LRCH3: variants seen among roughly 807,000 people sequenced by gnomAD.
LRCH3 encodes leucine rich repeats and calponin homology domain containing 3.
In LRCH3, 68 loss-of-function variants were observed where a neutral mutation model predicts 104.5. The observed-to-expected ratio is 0.65, with a 90% CI of 0.54 to 0.80. The LOEUF (loss-of-function observed/expected upper bound fraction) is 0.80, where lower values mean the gene tolerates loss of function less well. Among genes scored for constraint, LRCH3 ranks in the 30% least tolerant of loss-of-function variants. LRCH3 has a pLI of 0.00. For missense variants in LRCH3, 951 were observed against 953.9 expected (o/e 1.00, Z 0.04); for synonymous variants, 344 against 361.3 (o/e 0.95, Z 0.54).
chr3:197,843,519 C>T (rs1282948625), intron 10 of LRCH3, among the ~76,000 whole-genome samples: 1 of 152,104 alleles, frequency 6.6e-6, no homozygotes, highest in Non-Finnish European at 1.5e-5. Context: ...CCTGTCTCTA[C>T]TAAAAATACA....
intron 13 of LRCH3, among the ~76,000 whole-genome samples, chr3:197,853,268 C>T (rs1739867048): frequency 6.6e-6 from 1 of 152,044 alleles, no homozygotes; most frequent in Non-Finnish European, 1.5e-5. Context: ...TGGCTCGCTG[C>T]AACCTCCGAC....
At chr3:197,869,118 G>A (rs1711718225) in intron 17 of LRCH3, among the ~76,000 whole-genome samples, 1 of 152,176 alleles carries the variant, frequency 6.6e-6, no homozygotes, top group Non-Finnish European at 1.5e-5. Flanking sequence ...AGTCAATCCA[G>A]AAAGTGGAAA....
At chr3:197,875,960 A>G (rs888166420) in intron 20 of LRCH3, 185 bp downstream of exon 20, 56 of 435,436 alleles carry the variant, frequency 1.3e-4, no homozygotes, top group African/African-American at 9.1e-4. Flanking sequence ...CAAGGACCAC[A>G]CAAAGAAATT....
At chr3:197,847,327 TA>T in intron 10 of LRCH3, 81 bp from the exon 11 acceptor site, 3 of 1,302,982 alleles carry the variant, frequency 2.3e-6, no homozygotes, top group Middle Eastern at 2.5e-4. Context: ...ACATTTACAA[TA>T]AAAATTTCAT....
intron 3 of LRCH3, 89 bp from the exon 4 acceptor site, chr3:197,820,236 C>G: frequency 1.1e-6 from 1 of 900,330 alleles, no homozygotes; most frequent in Admixed American, 2.1e-5. Context: ...ACCAGAAGGT[C>G]TCCCAAACAT....
At chr3:197,865,056 G>A (rs1207737644) in intron 15 of LRCH3, among the ~76,000 whole-genome samples, 1 of 152,124 alleles carries the variant, frequency 6.6e-6, no homozygotes, top group Non-Finnish European at 1.5e-5. Flanking sequence ...AGGCTGGAGT[G>A]CAGTGGCACA....
intron 10 of LRCH3, among the ~76,000 whole-genome samples, chr3:197,845,912 A>G (rs1358713710): frequency 6.6e-6 from 1 of 152,186 alleles, no homozygotes; most frequent in Non-Finnish European, 1.5e-5. Context: ...TCAAAACAAA[A>G]CAAAACAAAA....
chr3:197,816,469 G>C (rs1007885886), intron 2 of LRCH3, among the ~76,000 whole-genome samples: 1 of 152,068 alleles, frequency 6.6e-6, no homozygotes, highest in East Asian at 1.9e-4. Flanking sequence ...TAGTAGAGAC[G>C]GGGTTTCGCC....
chr3:197,829,829 A>G (rs1735690762), intron 6 of LRCH3, among the ~76,000 whole-genome samples, 156 bp downstream of exon 6: 1 of 152,228 alleles, frequency 6.6e-6, no homozygotes, highest in African/African-American at 2.4e-5. Context: ...GATTACCTAG[A>G]TCTGGCAAAG....
intron 1 of LRCH3, among the ~76,000 whole-genome samples, chr3:197,801,642 T>C (rs1580543643): frequency 6.6e-6 from 1 of 152,288 alleles, no homozygotes; most frequent in Middle Eastern, 3.4e-3. Context: ...CCTGTGCACA[T>C]TTTTTTATTG....
rs1730499100 is a variant in LRCH3 at position 197,791,532 on chromosome 3, C to T, written c.254C>T (p.Thr85Ile). The T allele has an allele frequency of 1.3e-5, 20 of 1,584,250 alleles. No homozygotes were observed. Among genetic ancestry groups the T allele is most frequent in the Non-Finnish European group, 1.7e-5 (20 of 1,168,874 alleles). ...GAANHDLTDT[T>I]RADLSRNRLS... ...GCCAACCACGACCTGACGGACACCA[C>T]CCGGGCGGGTGAGCGGGGCGGGGGG... Residue 85 changes from threonine (T) to isoleucine (I), a missense_variant, in exon 1 of 21, where the codon ACC (threonine) becomes ATC (isoleucine). Physicochemically the swap from Thr to Ile is moderately conservative, Grantham distance 89. Coordinates refer to ENST00000425562, the MANE Select transcript of LRCH3 (RefSeq NM_001365715.1).
In LRCH3 at chr3:197,830,870, G is replaced by GT. The variant is rs1735837069; in HGVS notation, c.981+13dup. On this transcript the variant is annotated splice_region_variant and intron_variant, in intron 7 of 20. Coordinates refer to ENST00000425562, the MANE Select transcript of LRCH3 (RefSeq NM_001365715.1). The stretch of plus-strand genomic sequence containing the variant: ...GAGATGGTCAGGGAATGAAGTAAGT[G>GT]TTTTTTATGTTCCGTGTGTTATAAC... The GT allele has an allele frequency of 1.2e-5, 19 of 1,601,580 alleles. No individual in the cohort carries two copies. In the East Asian group the frequency reaches 3.6e-4, roughly 30 times the overall value.
intron 17 of LRCH3, among the ~76,000 whole-genome samples, chr3:197,867,398 A>G (rs1741617939): frequency 6.6e-6 from 1 of 151,546 alleles, no homozygotes; most frequent in African/African-American, 2.4e-5. Flanking sequence ...CATGGATGAC[A>G]GTGTGAAACT....
chr3:197,865,772 T>G (rs926220145), intron 16 of LRCH3, among the ~76,000 whole-genome samples: 16 of 151,966 alleles, frequency 1.1e-4, no homozygotes, highest in African/African-American at 3.1e-4. Flanking sequence ...ACTGGGTTTT[T>G]TTTTTTTTTT....
intron 1 of LRCH3, among the ~76,000 whole-genome samples, chr3:197,793,470 A>G (rs536820518): frequency 6.6e-6 from 1 of 152,298 alleles, no homozygotes; most frequent in South Asian, 2.1e-4. Flanking sequence ...TAGTGATTTC[A>G]TATTGGTGTG....
intron 10 of LRCH3, 57 bp downstream of exon 10, chr3:197,839,454 T>G: frequency 8.5e-7 from 1 of 1,171,912 alleles, no homozygotes; most frequent in South Asian, 1.4e-5. Context: ...GAGCATAAAG[T>G]AATTTTGGTT....
intron 8 of LRCH3, among the ~76,000 whole-genome samples, chr3:197,833,836 A>C (rs1010729264): frequency 3.3e-5 from 5 of 152,222 alleles, no homozygotes; most frequent in African/African-American, 1.2e-4. Flanking sequence ...ATGAAGAAGT[A>C]AAGTTACTTT....
chr3:197,824,782 G>T (rs890243320), intron 4 of LRCH3, among the ~76,000 whole-genome samples: 10 of 151,660 alleles, frequency 6.6e-5, no homozygotes, highest in Admixed American at 1.3e-4. Flanking sequence ...ATCTTGGCCA[G>T]GCTGGTCTTG....
intron 8 of LRCH3, among the ~76,000 whole-genome samples, chr3:197,834,524 C>G (rs1167564847): frequency 6.6e-6 from 1 of 152,226 alleles, no homozygotes; most frequent in Middle Eastern, 3.2e-3. Context: ...CAGTTTACTC[C>G]TACCTTTTCT....
Sources: allele counts gnomAD v4.1 joint callset (sites outside exome capture counted in the v4.1 genomes callset), GRCh38; gene constraint gnomAD v4.1.1; transcripts MANE v1.5; gene names NCBI Gene and HGNC (gene_info 2026-07-23, HGNC 2026-07-21).